SLTM: variants seen among roughly 807,000 people sequenced by gnomAD.
The protein encoded by SLTM is SAFB like transcription modulator.
In SLTM, 43 loss-of-function variants were observed where a neutral mutation model predicts 134.6. The observed-to-expected ratio is 0.32, with a 90% CI of 0.25 to 0.41. The LOEUF (loss-of-function observed/expected upper bound fraction) is 0.41. Among genes scored for constraint, SLTM ranks in the 10% least tolerant of loss-of-function variants. The pLI, the probability that SLTM is intolerant of heterozygous loss-of-function variation, is 1.00. For missense variants in SLTM, 1,055 were observed against 1,288.8 expected (o/e 0.82, Z 2.78); for synonymous variants, 424 against 432.3 (o/e 0.98, Z 0.24).
intron 2 of SLTM, among the ~76,000 whole-genome samples, chr15:58,918,212 TG>T (rs1394258950): frequency 6.6e-6 from 1 of 152,144 alleles, no homozygotes; most frequent in Non-Finnish European, 1.5e-5. Context: ...AGACATCTGC[TG>T]GAAGTTTATT....
rs569707585 is a variant in SLTM at position 58,879,799 on chromosome 15, A to T, written c.*200T>A. 10 of 603,068 alleles carry T rather than the reference A, an allele frequency of 1.7e-5. No individual in the cohort carries two copies. Among genetic ancestry groups the T allele is most frequent in the Admixed American group, 3.7e-5 (1 of 27,290 alleles). 37.4% of individuals were successfully genotyped at this position (603,068 alleles called of 1,614,324 possible). Reference sequence around the variant, plus strand: ...GTGCTGCAAGAAAAAAAGTTGAATGATACACAAAACTATTAAAAGTTACAA... The same window carrying T: ...GTGCTGCAAGAAAAAAAGTTGAATGTTACACAAAACTATTAAAAGTTACAA... On this transcript the variant is annotated 3_prime_UTR_variant, in exon 21 of 21. Transcript: ENST00000380516.
rs114926911 is a variant in SLTM, at chr15:58,907,702, G to T, written c.561+4861C>A. ...GCTCCAGAAACTTCTCAAGTAAGCA[G>T]TATATTCAAGCTAGTAAAACAACAC... On this transcript the variant is annotated intron_variant, in intron 5 of 20. Coordinates refer to ENST00000380516, the MANE Select transcript of SLTM (RefSeq NM_024755.4). Among the ~76,000 whole-genome samples the T allele has an allele frequency of 2.6e-3, 395 of 152,270 alleles. 3 individuals carry two copies. Among genetic ancestry groups the T allele is most frequent in the African/African-American group, 9.0e-3 (373 of 41,546 alleles).
At chr15:58,921,761 T>C (rs1477251540) in intron 2 of SLTM, among the ~76,000 whole-genome samples, 1 of 152,146 alleles carries the variant, frequency 6.6e-6, no homozygotes, top group African/African-American at 2.4e-5. Flanking sequence ...ATGGTAAATA[T>C]TGTTAACTTC....
intron 2 of SLTM, among the ~76,000 whole-genome samples, chr15:58,922,516 TAAA>T (rs1255017772): frequency 6.9e-6 from 1 of 144,790 alleles, no homozygotes; most frequent in Non-Finnish European, 1.5e-5. Flanking sequence ...TATATACGTA[TAAA>T]ATTTATACGT....
chr15:58,893,006 T>C lies in SLTM; in HGVS notation c.1789A>G (p.Lys597Glu). The part of the protein sequence containing the change: ...ERASLDKKRD[K>E]DYRRKEILPF... Reference sequence around the variant, plus strand: ...AAGATCTCTTTCCTTCTGTAGTCTTTATCTCTTTTTTTATCTAGACTAGCT... The same window carrying C: ...AAGATCTCTTTCCTTCTGTAGTCTTCATCTCTTTTTTTATCTAGACTAGCT... The change falls in exon 14 of 21, where the codon AAA (lysine) becomes GAA (glutamate). Residue 597 changes from lysine (K) to glutamate (E), a missense_variant. Around this residue, in one of 3 missense-constraint regions of SLTM, gnomAD observed 776 missense variants for 962.2 expected, o/e 0.81. Transcript: ENST00000380516. The C allele has an allele frequency of 6.2e-7, 1 of 1,612,402 alleles. No individual in the cohort carries two copies. Among genetic ancestry groups the C allele is most frequent in the Non-Finnish European group, 8.5e-7 (1 of 1,179,470 alleles).
At chr15:58,924,244 A>G (rs2037305327) in intron 2 of SLTM, among the ~76,000 whole-genome samples, 1 of 152,246 alleles carries the variant, frequency 6.6e-6, no homozygotes, top group South Asian at 2.1e-4. Flanking sequence ...TAGTAGTAAC[A>G]TAGCTATTTT....
chr15:58,916,011 T>A (rs1369421454), intron 3 of SLTM, among the ~76,000 whole-genome samples: 1 of 152,188 alleles, frequency 6.6e-6, no homozygotes, highest in African/African-American at 2.4e-5. Flanking sequence ...AAAAATAGCT[T>A]GTTCTATAGC....
At chr15:58,893,085 C>A in intron 13 of SLTM, 25 bp from the exon 14 acceptor site, 3 of 1,553,490 alleles carry the variant, frequency 1.9e-6, no homozygotes, top group African/African-American at 2.8e-5. Flanking sequence ...TAGAAGAACA[C>A]TAGAAATTAA....
chr15:58,912,663 G>T, intron 4 of SLTM, 53 bp from the exon 5 acceptor site: 1 of 1,444,858 alleles, frequency 6.9e-7, no homozygotes, highest in South Asian at 1.2e-5. Flanking sequence ...GGGGTAACGT[G>T]AGAATGCTTT....
Position 58,889,965 on chromosome 15 carries a change from GTTA to G in SLTM, c.2079+313_2079+315del. 3.2e-5 allele frequency: 12 copies of G among 379,666 alleles called. 1 individual carries two copies. The South Asian group carries it at 4.8e-4, about 15-fold the overall frequency. The allele number at this position is 379,666 out of a possible 1,614,324, so 23.5% of individuals were successfully genotyped here. ...TCCCACTATAATATGTAAGGAAATC[GTTA>G]TTATTTTCTAAGACTGGGATAGTGA... On this transcript the variant is annotated intron_variant, in intron 15 of 20. Transcript: ENST00000380516.
Position 58,893,978 on chromosome 15 carries a change from G to A in SLTM, c.1491C>T (p.Ala497=). 2 of 1,609,804 alleles carry A rather than the reference G, an allele frequency of 1.2e-6. No individual in the cohort carries two copies. Among genetic ancestry groups the A allele is most frequent in the African/African-American group, 1.3e-5 (1 of 74,198 alleles). The change falls in exon 12 of 21, where the codon GCC becomes GCT. Residue 497 remains alanine (A), a synonymous_variant. Coordinates refer to ENST00000380516, the MANE Select transcript of SLTM (RefSeq NM_024755.4). ...NTSDRSSKTQ[A]SVKKEEKRSS... is the part of the protein sequence containing the mutation. Reference sequence around the variant, plus strand: ...ATCTTTTCTCTTCTTTTTTGACAGAGGCTTGTGTCCTGACCATACCGCCCC... The same window carrying A: ...ATCTTTTCTCTTCTTTTTTGACAGAAGCTTGTGTCCTGACCATACCGCCCC...
At chr15:58,900,977 C>A (rs867767625) in intron 6 of SLTM, 69 of 313,248 alleles carry the variant, frequency 2.2e-4, no homozygotes, top group Middle Eastern at 1.0e-3. Context: ...TACCGTATAC[C>A]AGAAGTTATT....
In SLTM at chr15:58,894,419, T is replaced by G. The variant is rs753232407; in HGVS notation, c.1377+14A>C. ...AAATTAGACTTGCTTTGATAAACAG[T>G]TAGGGAAGCTTACTTTTTCAACAGA... is the stretch of plus-strand genomic sequence containing the variant. On this transcript the variant is annotated intron_variant, in intron 10 of 20. Coordinates refer to ENST00000380516, the MANE Select transcript of SLTM (RefSeq NM_024755.4). 1.9e-6 allele frequency: 3 copies of G among 1,613,944 alleles called. No homozygotes were observed. In the South Asian group the frequency reaches 3.3e-5, roughly 18 times the overall value.
chr15:58,902,008 C>G (rs1246154715), intron 5 of SLTM, among the ~76,000 whole-genome samples: 1 of 152,042 alleles, frequency 6.6e-6, no homozygotes, highest in Non-Finnish European at 1.5e-5. Flanking sequence ...TAAAATATGA[C>G]TTTAATTTTA....
intron 9 of SLTM, among the ~76,000 whole-genome samples, chr15:58,895,439 A>T (rs1444898516): frequency 2.6e-5 from 4 of 152,202 alleles, no homozygotes; most frequent in Admixed American, 6.5e-5. Context: ...TAGTTAAGAG[A>T]GACAAAGCAG....
chr15:58,883,654 C>G lies in SLTM; in HGVS notation c.2968G>C (p.Gly990Arg). 1.2e-6 allele frequency: 2 copies of G among 1,614,168 alleles called. No individual in the cohort carries two copies. The highest frequency in any genetic ancestry group is 1.7e-6 in the Non-Finnish European group (2 of 1,180,022). ...GAATGTTGGGTTATCATGCCTGCTC[C>G]TGCCCGGCCGTCACCCATTCGCCTC... Reference protein sequence around the residue: ...DTRRMGDGRAGAGMITQHSSN... With the variant: ...DTRRMGDGRARAGMITQHSSN... The change falls in exon 20 of 21, where the codon GGA becomes CGA. Residue 990 changes from glycine to arginine, a missense_variant. Physicochemically the swap from Gly to Arg is moderately radical, Grantham distance 125. Around this residue, in one of 3 missense-constraint regions of SLTM, gnomAD observed 776 missense variants for 962.2 expected, o/e 0.81. Coordinates refer to ENST00000380516, the MANE Select transcript of SLTM (RefSeq NM_024755.4).
rs2034275726 is a variant in SLTM at position 58,887,103 on chromosome 15, G to A, written c.2707C>T (p.Arg903Ter). 1 of 1,614,046 alleles carries A rather than the reference G, an allele frequency of 6.2e-7. No homozygotes were observed. The highest frequency in any genetic ancestry group is 8.5e-7 in the Non-Finnish European group (1 of 1,180,012). The change falls in exon 19 of 21, where the codon CGA becomes TGA. Residue 903 changes from arginine (R) to a stop codon, truncating the protein, a stop_gained. Coordinates refer to ENST00000380516, the MANE Select transcript of SLTM (RefSeq NM_024755.4). LOFTEE classifies it high-confidence loss of function. ...KRETRVERPE[R>*]SGREVSGHSV... ...TGCCCTGATACTTCTCTCCCAGATCGTTCTGGCCTTTCAACTCTGTTAAAC... is the reference window on the plus strand; with the variant it reads ...TGCCCTGATACTTCTCTCCCAGATCATTCTGGCCTTTCAACTCTGTTAAAC...
chr15:58,893,077 G>A lies in SLTM; in HGVS notation c.1735-17C>T, dbSNP rs769850101. ...TCCATGAATCTGTAGAAAAAAATTA[G>A]AAGAACACTAGAAATTAAAATATTT... On this transcript the variant is annotated splice_polypyrimidine_tract_variant and intron_variant, in intron 13 of 20. Transcript: ENST00000380516. The A allele has an allele frequency of 6.4e-7, 1 of 1,560,378 alleles. No homozygotes were observed. Among genetic ancestry groups the A allele is most frequent in the East Asian group, 2.3e-5 (1 of 44,084 alleles).
intron 2 of SLTM, among the ~76,000 whole-genome samples, chr15:58,917,867 A>G (rs1567150749): frequency 6.6e-6 from 1 of 152,056 alleles, no homozygotes; most frequent in Non-Finnish European, 1.5e-5. Context: ...CTCCTACCTC[A>G]GCCTCCCAAG....
Sources: gnomAD v4.1 joint callset for allele counts (sites outside exome capture counted in the v4.1 genomes callset) on GRCh38, gnomAD v4.1.1 for gene constraint, gnomAD v4.1.1 regional missense constraint, MANE v1.5 for transcripts, NCBI Gene and HGNC (gene_info 2026-07-23, HGNC 2026-07-21) for gene names.